The following ROBO2 variants were observed in gnomAD, a reference collection of about 807,000 sequenced individuals.
ROBO2 encodes the protein roundabout guidance receptor 2, also known as roundabout homolog 2.
ROBO2 carries 53 observed loss-of-function variants against 160.8 expected under a neutral mutation model. The observed-to-expected ratio is 0.33, with a 90% CI of 0.26 to 0.41. The LOEUF (loss-of-function observed/expected upper bound fraction) is 0.41, where lower values mean the gene tolerates loss of function less well. ROBO2 is among the 10% of genes least tolerant of loss of function. The probability of loss-of-function intolerance (pLI) is 1.00; values close to 1 mark genes in which losing one functional copy is unlikely to be tolerated. For synonymous variants in ROBO2, 664 were observed against 611.7 expected (o/e 1.09, Z -1.26); for missense variants, 1,577 against 1,722.4 (o/e 0.92, Z 1.49).
chr3:76,592,286 T>G (rs915474221), intron 2 of ROBO2, among the ~76,000 whole-genome samples: 1 of 152,126 alleles, frequency 6.6e-6, no homozygotes, highest in Non-Finnish European at 1.5e-5. Flanking sequence ...TAATTTATAC[T>G]TTTTAACCAA....
chr3:76,026,643 A>C (rs1436513891), intron 2 of ROBO2, among the ~76,000 whole-genome samples: 1 of 151,992 alleles, frequency 6.6e-6, no homozygotes, highest in Non-Finnish European at 1.5e-5. Context: ...TAATAAACAA[A>C]AGTACATGTT....
intron 2 of ROBO2, among the ~76,000 whole-genome samples, chr3:76,336,159 A>G (rs1442356990): frequency 6.6e-6 from 1 of 152,192 alleles, no homozygotes; most frequent in Non-Finnish European, 1.5e-5. Context: ...GTGACCTAAA[A>G]TCTTGTTCTC....
At chr3:76,334,351 A>G (rs2073719995) in intron 2 of ROBO2, among the ~76,000 whole-genome samples, 1 of 152,130 alleles carries the variant, frequency 6.6e-6, no homozygotes, top group African/African-American at 2.4e-5. Flanking sequence ...CTTGGGATGT[A>G]GAAGTTGGTG....
chr3:77,563,096 C>T (rs1335257860), intron 10 of ROBO2, 71 bp from the exon 12 acceptor site: 3 of 1,468,884 alleles, frequency 2.0e-6, no homozygotes, highest in Non-Finnish European at 2.8e-6. Context: ...TAGTAGACTG[C>T]TTCCTTCTTT....
intron 2 of ROBO2, among the ~76,000 whole-genome samples, chr3:76,044,571 ATTC>A (rs1559862678): frequency 2.7e-5 from 4 of 149,044 alleles, no homozygotes; most frequent in Non-Finnish European, 5.9e-5. Context: ...TCATTCATTC[ATTC>A]ATTCAACACA....
intron 2 of ROBO2, among the ~76,000 whole-genome samples, chr3:76,454,172 C>T (rs547437651): frequency 5.5e-4 from 84 of 152,204 alleles, no homozygotes; most frequent in African/African-American, 2.0e-3. Context: ...TCCTGGGAAT[C>T]CAGAAGTTTC....
chr3:75,914,522 T>A (rs748097075), intron 1 of ROBO2, among the ~76,000 whole-genome samples: 3 of 152,202 alleles, frequency 2.0e-5, no homozygotes, highest in Non-Finnish European at 4.4e-5. Context: ...CATTTAACAA[T>A]GTCGAAGAAA....
intron 2 of ROBO2, among the ~76,000 whole-genome samples, chr3:76,063,239 A>T (rs1275092920): frequency 3.3e-5 from 5 of 152,124 alleles, no homozygotes; most frequent in Non-Finnish European, 7.4e-5. Flanking sequence ...GGCAGAGGGC[A>T]TTGGGCCTTT....
chr3:76,603,332 CAAA>C (rs61547121), intron 2 of ROBO2, among the ~76,000 whole-genome samples: 972 of 65,430 alleles, frequency 0.015, 2 homozygotes, highest in Middle Eastern at 0.028. Context: ...ACTCCATCTC[CAAA>C]AAAAAAAAAA....
At chr3:76,777,382 A>G (rs796851544) in intron 2 of ROBO2, among the ~76,000 whole-genome samples, 14 of 151,144 alleles carry the variant, frequency 9.3e-5, no homozygotes, top group African/African-American at 2.9e-4. Flanking sequence ...TGGTAGAATT[A>G]TGTATGAGAT....
intron 5 of ROBO2, among the ~76,000 whole-genome samples, chr3:77,514,563 A>C (rs2089790256): frequency 6.6e-6 from 1 of 151,950 alleles, no homozygotes; most frequent in African/African-American, 2.4e-5. Flanking sequence ...TTGAGAGAAC[A>C]ATGTCAGCAT....
intron 2 of ROBO2, among the ~76,000 whole-genome samples, chr3:75,968,645 A>T (rs977673169): frequency 2.6e-5 from 4 of 151,602 alleles, no homozygotes; most frequent in African/African-American, 9.7e-5. Flanking sequence ...ATACAATATT[A>T]TTAACTATTG....
chr3:76,530,155 C>T (rs546378434), intron 2 of ROBO2, among the ~76,000 whole-genome samples: 2 of 152,298 alleles, frequency 1.3e-5, no homozygotes, highest in Admixed American at 6.5e-5. Context: ...TTGGTCATCA[C>T]GACTACCGCT....
At chr3:76,340,009 C>T (rs2074121987) in intron 2 of ROBO2, among the ~76,000 whole-genome samples, 1 of 150,838 alleles carries the variant, frequency 6.6e-6, no homozygotes. Context: ...TTTAATACCA[C>T]CAAAATTCCC....
chr3:76,296,906 A>G (rs532932037), intron 2 of ROBO2, among the ~76,000 whole-genome samples: 1 of 152,246 alleles, frequency 6.6e-6, no homozygotes, highest in Non-Finnish European at 1.5e-5. Context: ...CTAAAGTTAC[A>G]TTAATAGCTC....
Position 76,137,144 on chromosome 3 carries a change from C to T in ROBO2, c.109+199542C>T, listed in dbSNP as rs948092973. Among the ~76,000 whole-genome samples, 5 of 151,996 alleles carry T rather than the reference C, an allele frequency of 3.3e-5. No individual in the cohort carries two copies. The South Asian group carries it at 6.2e-4, about 19-fold the overall frequency. ...GGTTCAACCTTATATTCTTTTGCCC[C>T]GAGAATACTTGCTGGCAGGGCTTAT... On this transcript the variant is annotated intron_variant, in intron 2 of 26. Transcript: ENST00000487694.
chr3:77,283,050 T>C (rs1036294311), intron 2 of ROBO2, among the ~76,000 whole-genome samples: 7 of 152,170 alleles, frequency 4.6e-5, no homozygotes, highest in Non-Finnish European at 8.8e-5. Flanking sequence ...TGTTGTTTTT[T>C]AAAACATTAT....
intron 6 of ROBO2, among the ~76,000 whole-genome samples, chr3:77,527,086 T>C (rs1402687614): frequency 6.6e-6 from 1 of 151,466 alleles, no homozygotes; most frequent in Non-Finnish European, 1.5e-5. Context: ...GTTTTTAACT[T>C]TGGGGTAACA....
At chr3:76,110,976 T>G (rs528612588) in intron 2 of ROBO2, among the ~76,000 whole-genome samples, 1 of 152,240 alleles carries the variant, frequency 6.6e-6, no homozygotes, top group East Asian at 1.9e-4. Context: ...GACTGTTGAT[T>G]TTTTCAAAAT....
Sources: allele counts gnomAD v4.1 joint callset (sites outside exome capture counted in the v4.1 genomes callset), GRCh38; gene constraint gnomAD v4.1.1; transcripts MANE v1.5; gene names NCBI Gene and HGNC (gene_info 2026-07-23, HGNC 2026-07-21).